The following PFKFB3 variants were observed in gnomAD, a reference collection of about 807,000 sequenced individuals.
The protein encoded by PFKFB3 is 6-phosphofructo-2-kinase/fructose-2,6-biphosphatase 3, also known as 6-phosphofructo-2-kinase/fructose-2,6-bisphosphatase 3.
In PFKFB3, 33 loss-of-function variants were observed where a neutral mutation model predicts 68.0. The ratio of observed to expected loss-of-function variants is 0.49; its 90% CI spans 0.37 to 0.65. The LOEUF (loss-of-function observed/expected upper bound fraction) is 0.65, where lower values mean the gene tolerates loss of function less well. Among genes scored for constraint, PFKFB3 ranks in the 30% least tolerant of loss-of-function variants. PFKFB3 has a pLI of 0.00. For synonymous variants in PFKFB3, 315 were observed against 288.2 expected (o/e 1.09, Z -0.94); for missense variants, 586 against 712.2 (o/e 0.82, Z 2.02).
intron 1 of PFKFB3, among the ~76,000 whole-genome samples, chr10:6,193,829 C>T (rs1023040440): frequency 1.3e-5 from 2 of 151,932 alleles, no homozygotes; most frequent in African/African-American, 4.8e-5. Context: ...TGTAAAGAAC[C>T]TTCTTAAGGG....
rs1845864850 is a variant in PFKFB3 at position 6,233,450 on chromosome 10, A to G, written c.*508A>G. 1 of 153,194 alleles carries G rather than the reference A, an allele frequency of 6.5e-6. No individual in the cohort carries two copies. The highest frequency in any genetic ancestry group is 1.5e-5 in the Non-Finnish European group (1 of 68,596). 9.5% of individuals were successfully genotyped at this position (153,194 alleles called of 1,614,324 possible). A position where few individuals can be genotyped will look rare whatever the true frequency, so the allele number is the denominator to read the frequency against. On this transcript the variant is annotated 3_prime_UTR_variant, in exon 15 of 15. Transcript: ENST00000379775. ...GCATCTTGACCTGGGAAGACGCCTC[A>G]TGGGAACGAACTTGGACAGGTGTTG... is the stretch of plus-strand genomic sequence containing the variant.
intron 1 of PFKFB3, among the ~76,000 whole-genome samples, chr10:6,191,033 C>T (rs955584746): frequency 1.6e-4 from 25 of 152,178 alleles, no homozygotes; most frequent in Admixed American, 1.4e-3. Context: ...CCCAGTTCTT[C>T]GGCCTCTCAA....
chr10:6,191,362 G>A, intron 1 of PFKFB3, among the ~76,000 whole-genome samples: 1 of 152,234 alleles, frequency 6.6e-6, no homozygotes, highest in African/African-American at 2.4e-5. Context: ...ACAAAGGAAT[G>A]TCCCACCCAA....
intron 1 of PFKFB3, among the ~76,000 whole-genome samples, chr10:6,185,963 C>T (rs1025216770): frequency 6.6e-6 from 1 of 151,982 alleles, no homozygotes; most frequent in African/African-American, 2.4e-5. Context: ...TTTAAGAACT[C>T]GAGCCCCTCT....
At chr10:6,279,419 T>C in the PFKFB3 span, among the ~76,000 whole-genome samples, 1 of 152,244 alleles carries the variant, frequency 6.6e-6, no homozygotes, top group Non-Finnish European at 1.5e-5. Context: ...AAAGGGCATC[T>C]GCTCTTATAA....
intron 14 of PFKFB3, 36 bp downstream of exon 14, chr10:6,226,401 C>T (rs367943246): frequency 1.6e-5 from 25 of 1,567,284 alleles, no homozygotes; most frequent in African/African-American, 4.1e-5. Context: ...GCCTGGGGGA[C>T]GCATGCCGGG....
At chr10:6,297,035 C>G in the PFKFB3 span, among the ~76,000 whole-genome samples, 7 of 152,228 alleles carry the variant, frequency 4.6e-5, no homozygotes, top group Admixed American at 3.9e-4. Context: ...GTATGACCAA[C>G]CATGCTGTAG....
chr10:6,236,435 C>T (rs965369071), downstream of PFKFB3, among the ~76,000 whole-genome samples: 2 of 152,134 alleles, frequency 1.3e-5, no homozygotes, highest in Non-Finnish European at 2.9e-5. Context: ...GATTTTTTTT[C>T]CGGAGCCCCC....
At chr10:6,244,863 G>A (rs771579494) in intron 14 of PFKFB3, among the ~76,000 whole-genome samples, 3 of 152,168 alleles carry the variant, frequency 2.0e-5, no homozygotes, top group Admixed American at 6.5e-5. Flanking sequence ...AGATTGTGCT[G>A]AAAGCTAGGA....
intron 1 of PFKFB3, among the ~76,000 whole-genome samples, chr10:6,177,485 T>TTTCTTTCTTTTTC (rs1491376271): frequency 7.2e-6 from 1 of 139,832 alleles, no homozygotes; most frequent in African/African-American, 2.6e-5. Context: ...TCTTTCTTTC[T>TTTCTTTCTTTTTC]TTTTCTTTTC....
chr10:6,271,199 T>C, the PFKFB3 span, among the ~76,000 whole-genome samples: 1 of 152,252 alleles, frequency 6.6e-6, no homozygotes, highest in Admixed American at 6.5e-5. Flanking sequence ...CCAGTGGCCA[T>C]GCAATTGCTG....
In PFKFB3 at chr10:6,220,243, A is replaced by G. The variant is rs538873848; in HGVS notation, c.624-415A>G. Among the ~76,000 whole-genome samples, 1 of 151,532 alleles carries G rather than the reference A, an allele frequency of 6.6e-6. No homozygotes were observed. The highest frequency in any genetic ancestry group is 2.1e-4 in the South Asian group (1 of 4,804). On this transcript the variant is annotated intron_variant, in intron 7 of 14. Coordinates refer to ENST00000379775, the MANE Select transcript of PFKFB3 (RefSeq NM_004566.4). The surrounding 1 kb of genome is among the most constrained non-coding windows in gnomAD (Gnocchi z 4.1). The stretch of plus-strand genomic sequence containing the variant: ...CAGCCTCATGAGTAACTGGGACTAC[A>G]GGTGTGGGTGTCCACGCCCAGCTAA...
chr10:6,190,268 C>T (rs1371367384), intron 1 of PFKFB3, among the ~76,000 whole-genome samples: 1 of 152,234 alleles, frequency 6.6e-6, no homozygotes, highest in Non-Finnish European at 1.5e-5. Flanking sequence ...TGTTATCAAG[C>T]TTCCACCCAC....
chr10:6,319,672 AT>A, the PFKFB3 span, among the ~76,000 whole-genome samples: 1 of 78,626 alleles, frequency 1.3e-5, no homozygotes, highest in African/African-American at 4.6e-5. Context: ...ATTGTAAAAA[AT>A]TGTAAAATTG....
chr10:6,220,886 T>C lies in PFKFB3; in HGVS notation c.831+21T>C, dbSNP rs749983033. On this transcript the variant is annotated intron_variant, in intron 8 of 14. Transcript: ENST00000379775. This position sits in a 1 kb window ranked among gnomAD's most constrained non-coding sequence, Gnocchi z 4.1. ...AGAAGGTGCGGGGTGTGCTGCCGCA[T>C]GGGCCGTTCTGGCTGTAGGGCGGTT... is the stretch of plus-strand genomic sequence containing the variant. 1.9e-6 allele frequency: 3 copies of C among 1,604,496 alleles called. No homozygotes were observed. In the East Asian group the frequency reaches 6.7e-5, roughly 36 times the overall value.
chr10:6,188,466 T>C (rs61551084), intron 1 of PFKFB3, among the ~76,000 whole-genome samples: 8,821 of 151,680 alleles, frequency 0.058, 321 homozygotes, highest in Admixed American at 0.11. Flanking sequence ...TTTTAAACAT[T>C]TTTTTTCAAA....
rs906710946 is a variant in PFKFB3, at chr10:6,235,185, A to C, written c.*2243A>C. 5 of 152,790 alleles carry C rather than the reference A, an allele frequency of 3.3e-5. No individual in the cohort carries two copies. The highest frequency in any genetic ancestry group is 1.2e-4 in the African/African-American group (5 of 41,456). 9.5% of individuals were successfully genotyped at this position (152,790 alleles called of 1,614,324 possible). The stretch of plus-strand genomic sequence containing the variant: ...TTATTCTGTCCTGAGACCACGGGCA[A>C]AGCTCTTCATTTTGAGAGAGAAGAA... On this transcript the variant is annotated 3_prime_UTR_variant, in exon 15 of 15. Transcript: ENST00000379775.
At chr10:6,221,838 G>A in intron 10 of PFKFB3, 93 bp downstream of exon 10, 1 of 836,942 alleles carries the variant, frequency 1.2e-6, no homozygotes. Flanking sequence ...TCACTTCCGT[G>A]TGGGTTCTGG....
At chr10:6,272,318 A>G in the PFKFB3 span, among the ~76,000 whole-genome samples, 2 of 152,256 alleles carry the variant, frequency 1.3e-5, no homozygotes, top group African/African-American at 2.4e-5. Flanking sequence ...GATCGTTCCA[A>G]TTGCCCTATT....
Sources: allele counts gnomAD v4.1 joint callset (sites outside exome capture counted in the v4.1 genomes callset), GRCh38; gene constraint gnomAD v4.1.1; non-coding constraint Gnocchi (gnomAD v3.1); transcripts MANE v1.5; gene names NCBI Gene and HGNC (gene_info 2026-07-23, HGNC 2026-07-21).